The following CIMIP2C variants were observed in gnomAD, a reference collection of about 807,000 sequenced individuals.
CIMIP2C encodes the protein ciliary microtubule inner protein 2C, also known as UPF0573 protein C2orf70.
chr2:26,576,189 G>A, the CIMIP2C span: 1 of 1,605,580 alleles, frequency 6.2e-7, no homozygotes, highest in Non-Finnish European at 8.5e-7. Context: ...AGCTGTGTGG[G>A]GCTGCCCTGT....
chr2:26,564,312 C>T, the CIMIP2C span, among the ~76,000 whole-genome samples: 1 of 152,232 alleles, frequency 6.6e-6, no homozygotes, highest in African/African-American at 2.4e-5. Context: ...GGTGCTCCTG[C>T]AAACCCTGCC....
chr2:26,569,402 G>A, the CIMIP2C span, among the ~76,000 whole-genome samples: 12 of 152,220 alleles, frequency 7.9e-5, no homozygotes, highest in Admixed American at 7.9e-4. Context: ...GGCCCCGCTT[G>A]TGCTTGGTGT....
the CIMIP2C span, among the ~76,000 whole-genome samples, chr2:26,569,535 G>A: frequency 3.3e-5 from 5 of 152,260 alleles, no homozygotes; most frequent in Middle Eastern, 6.8e-3. Flanking sequence ...CCGAATAGTC[G>A]CTGGTTAATC....
chr2:26,562,670 C>T, the CIMIP2C span: 6 of 1,578,598 alleles, frequency 3.8e-6, no homozygotes, highest in Non-Finnish European at 5.2e-6. Flanking sequence ...CTACGTGCCC[C>T]CTGGACTCAT....
the CIMIP2C span, chr2:26,576,315 C>T: frequency 1.9e-6 from 2 of 1,073,258 alleles, no homozygotes; most frequent in South Asian, 3.3e-5. Flanking sequence ...GCCCCTGAGC[C>T]AGCAGAGAGC....
chr2:26,562,695 G>A, the CIMIP2C span: 2,139 of 1,562,008 alleles, frequency 1.4e-3, 27 homozygotes, highest in African/African-American at 0.026. Context: ...GGGTAAGGCC[G>A]AGGGAGCGCC....
At chr2:26,571,225 G>A in the CIMIP2C span, among the ~76,000 whole-genome samples, 2 of 152,160 alleles carry the variant, frequency 1.3e-5, no homozygotes, top group Non-Finnish European at 2.9e-5. Flanking sequence ...CCTGAAAAGA[G>A]AAGAGGACCC....
the CIMIP2C span, chr2:26,575,983 CCG>C: frequency 6.2e-7 from 1 of 1,614,176 alleles, no homozygotes; most frequent in Non-Finnish European, 8.5e-7. Flanking sequence ...TCCAGGACCA[CCG>C]CAACAGAGCC....
At chr2:26,562,890 T>TC in the CIMIP2C span, 2 of 572,906 alleles carry the variant, frequency 3.5e-6, no homozygotes, top group Non-Finnish European at 6.2e-6. Flanking sequence ...CTCCCCAGAT[T>TC]CCCCTTCACA....
chr2:26,577,459 C>T, the CIMIP2C span: 1 of 1,457,180 alleles, frequency 6.9e-7, no homozygotes, highest in African/African-American at 1.4e-5. Flanking sequence ...ACTGCAGGTG[C>T]CTGTGGTCAG....
At chr2:26,579,406 AAG>A in the CIMIP2C span, 1 of 1,613,854 alleles carries the variant, frequency 6.2e-7, no homozygotes, top group Non-Finnish European at 8.5e-7. Flanking sequence ...GGAGCGGAAA[AAG>A]AGAGACTGCT....
the CIMIP2C span, chr2:26,563,220 C>T: frequency 2.6e-5 from 4 of 152,908 alleles, no homozygotes; most frequent in African/African-American, 9.6e-5. Flanking sequence ...AGTACCCGCC[C>T]GACTTTGCGG....
chr2:26,573,481 G>C, the CIMIP2C span, among the ~76,000 whole-genome samples: 2 of 143,972 alleles, frequency 1.4e-5, no homozygotes, highest in African/African-American at 6.0e-5. Context: ...AGTCGGATGG[G>C]ACAATGAGGC....
chr2:26,568,235 C>G, the CIMIP2C span, among the ~76,000 whole-genome samples: 797 of 152,314 alleles, frequency 5.2e-3, 5 homozygotes, highest in Non-Finnish European at 7.7e-3. Flanking sequence ...CTCTATCCCC[C>G]CAGGAGGCAG....
At chr2:26,574,466 G>A in the CIMIP2C span, among the ~76,000 whole-genome samples, 5 of 151,536 alleles carry the variant, frequency 3.3e-5, no homozygotes, top group Admixed American at 2.6e-4. Context: ...ACAGAGATGG[G>A]ACCAGACTGT....
the CIMIP2C span, chr2:26,563,235 TC>T: frequency 6.6e-6 from 1 of 152,596 alleles, no homozygotes; most frequent in Non-Finnish European, 1.5e-5. Flanking sequence ...TTGCGGTCGG[TC>T]CTTTCACAGA....
chr2:26,577,878 G>A, the CIMIP2C span: 6 of 482,406 alleles, frequency 1.2e-5, no homozygotes, highest in Admixed American at 4.1e-5. Context: ...GGGAGTTTGG[G>A]AGAAGCTCCG....
At chr2:26,566,612 A>G in the CIMIP2C span, among the ~76,000 whole-genome samples, 1 of 152,246 alleles carries the variant, frequency 6.6e-6, no homozygotes, top group Non-Finnish European at 1.5e-5. Flanking sequence ...ATTATATAAC[A>G]TTTCCACCCC....
chr2:26,567,390 A>G, the CIMIP2C span, among the ~76,000 whole-genome samples: 146,951 of 152,354 alleles, frequency 0.96, 71,084 homozygotes, highest in East Asian at 1. Context: ...TGTTTGCTTC[A>G]CTTTCTGCCA....
Sources: allele counts gnomAD v4.1 joint callset (sites outside exome capture counted in the v4.1 genomes callset), GRCh38; gene constraint gnomAD v4.1.1; transcripts MANE v1.5; gene names NCBI Gene and HGNC (gene_info 2026-07-23, HGNC 2026-07-21).